Variants in CLDN16 observed in about 807,000 individuals in gnomAD.
The protein encoded by CLDN16 is claudin 16.
CLDN16 carries 13 observed loss-of-function variants against 24.6 expected under a neutral mutation model. That is an observed-to-expected ratio of 0.53 (90% CI 0.34 to 0.84). The LOEUF (loss-of-function observed/expected upper bound fraction) is 0.84, where lower values mean the gene tolerates loss of function less well. CLDN16 is among the 40% of genes least tolerant of loss of function. The probability of loss-of-function intolerance (pLI) is 0.01; values close to 1 mark genes in which losing one functional copy is unlikely to be tolerated. For synonymous variants in CLDN16, 116 were observed against 106.7 expected (o/e 1.09, Z -0.54); for missense variants, 298 against 292.7 (o/e 1.02, Z -0.13).
chr3:190,338,625 G>A (rs956799377), intron 1 of CLDN16, among the ~76,000 whole-genome samples: 5 of 152,180 alleles, frequency 3.3e-5, no homozygotes, highest in Non-Finnish European at 7.3e-5. Flanking sequence ...CTAGCTGAGT[G>A]TAAAAGGAAT....
In CLDN16 at chr3:190,380,241, CCTTCCTTCCTTCCTTT is replaced by C. The variant is rs1202454620; in HGVS notation, n.306+5654_306+5669del. Among the ~76,000 whole-genome samples the C allele has an allele frequency of 6.3e-5, 2 of 31,888 alleles. 1 individual carries two copies. The highest frequency in any genetic ancestry group is 3.0e-4 in the African/African-American group (2 of 6,684). The allele number at this position is 31,888 out of a possible 152,430, so 20.9% of individuals were successfully genotyped here. ...CTTCCTTCCTTTTCTTCCTTCCCTC[CCTTCCTTCCTTCCTTT>C]CTTCCTTCCTTCCTTCTGTTTTTTG... is the stretch of plus-strand genomic sequence containing the variant. On this transcript the variant is annotated intron_variant and non_coding_transcript_variant, in intron 3 of 4. Coordinates refer to the CLDN16 transcript ENST00000468220.
chr3:190,388,412 G>T lies in CLDN16; in HGVS notation c.83G>T (p.Cys28Phe). 1 of 1,614,052 alleles carries T rather than the reference G, an allele frequency of 6.2e-7. No individual in the cohort carries two copies. The highest frequency in any genetic ancestry group is 8.5e-7 in the Non-Finnish European group (1 of 1,179,992). ...GFLIVATWTD[C>F]WMVNADDSLE... ...TTGATTGTGGCCACCTGGACTGACTGTTGGATGGTGAATGCTGATGACTCT... is the reference window on the plus strand; with the variant it reads ...TTGATTGTGGCCACCTGGACTGACTTTTGGATGGTGAATGCTGATGACTCT... Residue 28 changes from cysteine (C) to phenylalanine (F), a missense_variant, in exon 1 of 5, where the codon TGT (cysteine) becomes TTT (phenylalanine). Physicochemically the swap from Cys to Phe is radical, Grantham distance 205 (BLOSUM62 -2). Coordinates refer to ENST00000264734, the MANE Select transcript of CLDN16 (RefSeq NM_006580.4).
At chr3:190,330,597 A>G (rs560237694) in intron 1 of CLDN16, among the ~76,000 whole-genome samples, 1 of 152,126 alleles carries the variant, frequency 6.6e-6, no homozygotes, top group Non-Finnish European at 1.5e-5. Flanking sequence ...CTTATTTAGA[A>G]AAGAGCCCGG....
intron 1 of CLDN16, among the ~76,000 whole-genome samples, chr3:190,341,854 C>G (rs1577402039): frequency 6.6e-6 from 1 of 152,226 alleles, no homozygotes; most frequent in African/African-American, 2.4e-5. Context: ...ACCGGATACC[C>G]CAAATCATCT....
At chr3:190,304,189 G>A in the CLDN16 span, among the ~76,000 whole-genome samples, 1 of 152,114 alleles carries the variant, frequency 6.6e-6, no homozygotes, top group African/African-American at 2.4e-5. Context: ...TGCTGTTATG[G>A]CTAAGAGCCA....
At chr3:190,348,272 G>A (rs370170612) in intron 1 of CLDN16, among the ~76,000 whole-genome samples, 307 of 28,178 alleles carry the variant, frequency 0.011, no homozygotes, top group Middle Eastern at 0.025. Flanking sequence ...AAAAAAAAAA[G>A]AATAAATCAA....
At chr3:190,395,555 C>T (rs1718795817) in intron 1 of CLDN16, among the ~76,000 whole-genome samples, 1 of 151,876 alleles carries the variant, frequency 6.6e-6, no homozygotes, top group Middle Eastern at 3.4e-3. Context: ...AGTAGTCAAA[C>T]GTTATTTACT....
chr3:190,297,976 C>T, the CLDN16 span, among the ~76,000 whole-genome samples: 1 of 151,806 alleles, frequency 6.6e-6, no homozygotes, highest in African/African-American at 2.4e-5. Context: ...CGTGGCCATC[C>T]ATGAAACTAA....
At chr3:190,386,777 A>C (rs915233849), upstream of CLDN16, among the ~76,000 whole-genome samples, 1 of 152,228 alleles carries the variant, frequency 6.6e-6, no homozygotes, top group Non-Finnish European at 1.5e-5. Context: ...ATGGTTTTCC[A>C]TGCAGCTTTT....
At chr3:190,320,291 G>A (rs553111861), upstream of CLDN16, among the ~76,000 whole-genome samples, 1 of 152,244 alleles carries the variant, frequency 6.6e-6, no homozygotes, top group Admixed American at 6.5e-5. Context: ...TTGATCAGAG[G>A]AATAAAACTG....
At chr3:190,320,503 G>T (rs577825971), upstream of CLDN16, among the ~76,000 whole-genome samples, 1 of 152,054 alleles carries the variant, frequency 6.6e-6, no homozygotes. Context: ...CTAAACTTAT[G>T]GATTGGTTTT....
the CLDN16 span, among the ~76,000 whole-genome samples, chr3:190,313,709 GT>G: frequency 0.093 from 14,100 of 152,096 alleles, 1,337 homozygotes; most frequent in African/African-American, 0.24. Flanking sequence ...GACATCACTA[GT>G]TTTTTAAAAC....
the CLDN16 span, chr3:190,310,344 A>G: frequency 1.1e-6 from 1 of 905,432 alleles, no homozygotes; most frequent in Non-Finnish European, 1.8e-6. Flanking sequence ...TTTTGCAAGA[A>G]TTAAATCTCA....
intron 1 of CLDN16, among the ~76,000 whole-genome samples, chr3:190,348,654 A>C (rs1054669256): frequency 1.3e-5 from 2 of 152,222 alleles, no homozygotes; most frequent in African/African-American, 4.8e-5. Flanking sequence ...GTCAATAAAT[A>C]TTTAAAGAAT....
chr3:190,339,549 T>A (rs1717383817), intron 1 of CLDN16, among the ~76,000 whole-genome samples: 1 of 152,190 alleles, frequency 6.6e-6, no homozygotes, highest in Admixed American at 6.5e-5. Context: ...GGTAATAGTC[T>A]AGAAAATAAT....
At chr3:190,359,356 A>G (rs1017457796) in intron 1 of CLDN16, among the ~76,000 whole-genome samples, 2 of 152,050 alleles carry the variant, frequency 1.3e-5, no homozygotes, top group Non-Finnish European at 1.5e-5. Flanking sequence ...CAGTATTGTC[A>G]CTCAGTTTCT....
At chr3:190,380,476 A>G (rs544924739) in intron 3 of CLDN16, among the ~76,000 whole-genome samples, 4 of 152,150 alleles carry the variant, frequency 2.6e-5, no homozygotes, top group African/African-American at 9.6e-5. Flanking sequence ...GGTAGGGAAA[A>G]TAAAAAAGCA....
chr3:190,376,804 C>T (rs530550628), intron 3 of CLDN16, among the ~76,000 whole-genome samples: 87 of 152,034 alleles, frequency 5.7e-4, no homozygotes, highest in African/African-American at 2.0e-3. Flanking sequence ...AAGAGGTAGA[C>T]TCAGAGAAGC....
the CLDN16 span, chr3:190,308,160 T>C: frequency 8.2e-7 from 1 of 1,220,470 alleles, no homozygotes; most frequent in African/African-American, 1.5e-5. Context: ...TTGTTTGTTT[T>C]GTAATACCAT....
Sources: gnomAD v4.1 joint callset for allele counts (sites outside exome capture counted in the v4.1 genomes callset) on GRCh38, gnomAD v4.1.1 for gene constraint, MANE v1.5 for transcripts, NCBI Gene and HGNC (gene_info 2026-07-23, HGNC 2026-07-21) for gene names.